SLC25A46: variants seen among roughly 807,000 people sequenced by gnomAD.
SLC25A46 encodes mitochondrial outer membrane protein SLC25A46.
In SLC25A46, 39 loss-of-function variants were observed where a neutral mutation model predicts 44.6. The observed-to-expected ratio is 0.87, with a 90% CI of 0.68 to 1.14. The LOEUF is 1.14. Ranked by LOEUF, SLC25A46 falls within the 50% of genes most tolerant of loss-of-function variation. The pLI, the probability that SLC25A46 is intolerant of heterozygous loss-of-function variation, is 0.00. For missense variants in SLC25A46, 547 were observed against 522.7 expected (o/e 1.05, Z -0.45); for synonymous variants, 202 against 185.8 (o/e 1.09, Z -0.71).
At chr5:110,740,670 G>A (rs559511751) in intron 1 of SLC25A46, among the ~76,000 whole-genome samples, 5 of 152,304 alleles carry the variant, frequency 3.3e-5, no homozygotes, top group Non-Finnish European at 5.9e-5. Flanking sequence ...AAATGGGTAA[G>A]GCCGGGCGTG....
At chr5:110,759,256 G>A (rs936913711) in intron 7 of SLC25A46, among the ~76,000 whole-genome samples, 7 of 152,156 alleles carry the variant, frequency 4.6e-5, no homozygotes, top group African/African-American at 1.7e-4. Context: ...TAATGGGTAG[G>A]GAGGGGCGGT....
chr5:110,738,271 G>T (rs1285323452), upstream of SLC25A46: 1 of 1,275,816 alleles, frequency 7.8e-7, no homozygotes, highest in East Asian at 5.8e-5. Flanking sequence ...CTCTACAGTA[G>T]TCCTCTCAGT....
At chr5:110,738,729 G>A (rs1799486202), upstream of SLC25A46, 2 of 258,192 alleles carry the variant, frequency 7.7e-6, no homozygotes. Flanking sequence ...CACCGGGTAG[G>A]CTCCACCCGC....
intron 2 of SLC25A46, among the ~76,000 whole-genome samples, 159 bp from the exon 3 acceptor site, chr5:110,743,571 A>G (rs1019457943): frequency 1.3e-5 from 2 of 152,072 alleles, no homozygotes; most frequent in African/African-American, 4.8e-5. Flanking sequence ...ATTTGCAAAC[A>G]TTTCTAGACA....
At chr5:110,759,935 G>A (rs1422785813) in intron 7 of SLC25A46, among the ~76,000 whole-genome samples, 2 of 152,056 alleles carry the variant, frequency 1.3e-5, no homozygotes, top group Non-Finnish European at 2.9e-5. Context: ...CTCCACTCAC[G>A]ATGGGATTAC....
At position 110,755,515 on chromosome 5, in the gene SLC25A46, T is replaced by C; in HGVS notation, c.614T>C (p.Leu205Pro). 1 of 1,574,690 alleles carries C rather than the reference T, an allele frequency of 6.4e-7. No homozygotes were observed. The highest frequency in any genetic ancestry group is 8.6e-7 in the Non-Finnish European group (1 of 1,160,874). Reference protein sequence around the residue: ...SPKQIGEHLLLKSLTYVVAMP... With the variant: ...SPKQIGEHLLPKSLTYVVAMP... The stretch of plus-strand genomic sequence containing the variant: ...AAACAAATAGGAGAACACCTTCTAC[T>C]GAAATCGTAAGTATCAAAAAATGGC... Residue 205 changes from leucine to proline, a missense_variant, in exon 6 of 8, where the codon CTG (leucine) becomes CCG (proline). Physicochemically the swap from Leu to Pro is moderately conservative, Grantham distance 98. Transcript: ENST00000355943.
rs575340296 is a variant in SLC25A46, at chr5:110,740,821, G to A, written c.284-1226G>A. On this transcript the variant is annotated intron_variant, in intron 1 of 7. Coordinates refer to ENST00000355943, the MANE Select transcript of SLC25A46 (RefSeq NM_138773.4). ...GAAAAAATTAGCCGGGCGTGGTGGC[G>A]GATGCCTGTAGTCCCAGCTACTCGG... Among the ~76,000 whole-genome samples the A allele has an allele frequency of 1.3e-4, 20 of 152,252 alleles. No homozygotes were observed. The South Asian group carries it at 4.1e-3, about 32-fold the overall frequency.
In SLC25A46 at chr5:110,756,647, T is replaced by C; in HGVS notation, c.621-55T>C. The stretch of plus-strand genomic sequence containing the variant: ...ACATATTAAAGCAGATATTAAAAAA[T>C]TTAGTATAAGCATCTTGTTTCAGTA... On this transcript the variant is annotated intron_variant, in intron 6 of 7. Coordinates refer to ENST00000355943, the MANE Select transcript of SLC25A46 (RefSeq NM_138773.4). 5 of 1,225,464 alleles carry C rather than the reference T, an allele frequency of 4.1e-6. No homozygotes were observed. In the East Asian group the frequency reaches 7.4e-5, roughly 18 times the overall value. The allele number at this position is 1,225,464 out of a possible 1,614,324, so 75.9% of individuals were successfully genotyped here. A position where few individuals can be genotyped will look rare whatever the true frequency, so the allele number is the denominator to read the frequency against.
intron 6 of SLC25A46, 51 bp from the exon 7 acceptor site, chr5:110,756,651 G>A (rs528092265): frequency 3.2e-6 from 4 of 1,241,802 alleles, no homozygotes; most frequent in East Asian, 4.9e-5. Flanking sequence ...AAAAAATTTA[G>A]TATAAGCATC....
chr5:110,753,541 A>G (rs996184706), intron 5 of SLC25A46: 2 of 152,020 alleles, frequency 1.3e-5, no homozygotes, highest in Admixed American at 1.3e-4. Context: ...TAGATAATTT[A>G]GATATATTTA....
In SLC25A46 at chr5:110,765,141, T is replaced by C. The variant is rs1182934504; in HGVS notation, c.*3359T>C. ...AAATTGTGTAATATGAAAAGTTCAA[T>C]AAAATGTCGAAATAAAGCCACTGTT... On this transcript the variant is annotated 3_prime_UTR_variant, in exon 8 of 8. Transcript: ENST00000355943. 1 of 151,828 alleles carries C rather than the reference T, an allele frequency of 6.6e-6. No individual in the cohort carries two copies. Among genetic ancestry groups the C allele is most frequent in the Non-Finnish European group, 1.5e-5 (1 of 67,878 alleles). 9.4% of individuals were successfully genotyped at this position (151,828 alleles called of 1,614,324 possible).
At chr5:110,742,679 C>A (rs951724150) in intron 2 of SLC25A46, among the ~76,000 whole-genome samples, 2 of 152,036 alleles carry the variant, frequency 1.3e-5, no homozygotes, top group African/African-American at 4.8e-5. Context: ...GAAATGTAAT[C>A]TGTCTGTCTC....
chr5:110,755,302 G>C lies in SLC25A46; in HGVS notation c.564-163G>C, dbSNP rs1800079577. On this transcript the variant is annotated intron_variant, in intron 5 of 7. Coordinates refer to ENST00000355943, the MANE Select transcript of SLC25A46 (RefSeq NM_138773.4). ...TTTTTTCTCTCAAACCATCACAGTTGTTTACACTGTGTTCTAGAAAAGAAA... is the reference window on the plus strand; with the variant it reads ...TTTTTTCTCTCAAACCATCACAGTTCTTTACACTGTGTTCTAGAAAAGAAA... The C allele has an allele frequency of 5.7e-6, 3 of 522,158 alleles. No homozygotes were observed. The East Asian group carries it at 1.1e-4, about 18-fold the overall frequency. 32.3% of individuals were successfully genotyped at this position (522,158 alleles called of 1,614,324 possible).
chr5:110,756,638 A>C, intron 6 of SLC25A46, 64 bp from the exon 7 acceptor site: 1 of 1,088,848 alleles, frequency 9.2e-7, no homozygotes, highest in East Asian at 2.5e-5. Context: ...TAAAGCAGAT[A>C]TTAAAAAATT....
At chr5:110,738,306 G>C (rs931193088), upstream of SLC25A46, 5 of 1,233,842 alleles carry the variant, frequency 4.1e-6, no homozygotes, top group African/African-American at 7.9e-5. Context: ...TCCCAATTTT[G>C]AACGATATAA....
intron 5 of SLC25A46, among the ~76,000 whole-genome samples, chr5:110,749,744 G>C (rs751851287): frequency 5.9e-5 from 9 of 151,996 alleles, no homozygotes; most frequent in Non-Finnish European, 1.0e-4. Flanking sequence ...ATAAGCATTG[G>C]GGTTGTAGTA....
chr5:110,740,217 C>G (rs1415873464), intron 1 of SLC25A46, among the ~76,000 whole-genome samples: 3 of 152,290 alleles, frequency 2.0e-5, no homozygotes. Context: ...ATGGCTACCT[C>G]TTTCTATTCT....
At chr5:110,747,042 A>G (rs1357299613) in intron 4 of SLC25A46, among the ~76,000 whole-genome samples, 1 of 152,208 alleles carries the variant, frequency 6.6e-6, no homozygotes, top group African/African-American at 2.4e-5. Context: ...GCCATGACCA[A>G]AATATCTTGA....
intron 3 of SLC25A46, among the ~76,000 whole-genome samples, chr5:110,745,340 G>C (rs993801998): frequency 2.0e-5 from 3 of 151,782 alleles, no homozygotes; most frequent in Non-Finnish European, 4.4e-5. Flanking sequence ...TGCAAACTCC[G>C]CCTCCTGGGT....
Sources: gnomAD v4.1 joint callset for allele counts (sites outside exome capture counted in the v4.1 genomes callset) on GRCh38, gnomAD v4.1.1 for gene constraint, MANE v1.5 for transcripts, NCBI Gene and HGNC (gene_info 2026-07-23, HGNC 2026-07-21) for gene names.